Variants in AK9 observed in about 807,000 individuals in gnomAD.
AK9 encodes adenylate kinase domain containing 1.
A neutral mutation model predicts 239.6 loss-of-function variants in AK9; 191 were observed. That is an observed-to-expected ratio of 0.80 (90% CI 0.71 to 0.90). AK9 has a LOEUF of 0.90. Among genes scored for constraint, AK9 ranks in the 40% least tolerant of loss-of-function variants. The pLI is 0.00. For synonymous variants in AK9, 689 were observed against 721.0 expected, an observed-to-expected ratio of 0.96 and a Z score of 0.71; for missense variants, 1,995 against 2,214.7, an observed-to-expected ratio of 0.90 and a Z score of 1.99.
chr6:109,493,866 ACT>A lies in AK9; in HGVS notation c.5533+113_5533+114del, dbSNP rs1240535250. ...GCCCTGTATTGTATTTGCTACTAAC[ACT>A]CTCTCTTTCTCTCTCACCAAGCAGG... On this transcript the variant is annotated intron_variant, in intron 40 of 40. Transcript: ENST00000424296. 6 of 789,406 alleles carry A rather than the reference ACT, an allele frequency of 7.6e-6. No individual in the cohort carries two copies. In the Admixed American group the frequency reaches 1.2e-4, roughly 15 times the overall value. 48.9% of individuals were successfully genotyped at this position (789,406 alleles called of 1,614,324 possible).
chr6:109,604,174 G>A (rs1348272123), intron 17 of AK9, among the ~76,000 whole-genome samples: 6 of 152,160 alleles, frequency 3.9e-5, no homozygotes, highest in Admixed American at 1.3e-4. Context: ...CACGCTGGGA[G>A]CTGTAGACTG....
intron 7 of AK9, among the ~76,000 whole-genome samples, chr6:109,658,524 C>T (rs766650034): frequency 2.1e-4 from 32 of 152,124 alleles, no homozygotes; most frequent in Admixed American, 3.3e-4. Context: ...CTCCCCATTG[C>T]GCACTTGAAA....
At chr6:109,635,111 GA>G (rs1796551206) in intron 10 of AK9, among the ~76,000 whole-genome samples, 2 of 151,180 alleles carry the variant, frequency 1.3e-5, no homozygotes, top group South Asian at 4.2e-4. Flanking sequence ...GACAGTAGAA[GA>G]ATAAAAAAAA....
chr6:109,498,125 C>A (rs888326266), intron 36 of AK9, among the ~76,000 whole-genome samples, 160 bp from the exon 37 acceptor site: 3 of 152,232 alleles, frequency 2.0e-5, no homozygotes, highest in African/African-American at 7.2e-5. Flanking sequence ...AAGTTCCTTA[C>A]AGGAATACTC....
intron 10 of AK9, among the ~76,000 whole-genome samples, 191 bp downstream of exon 10, chr6:109,641,327 C>T (rs1200554975): frequency 1.4e-5 from 2 of 147,796 alleles, no homozygotes; most frequent in African/African-American, 4.9e-5. Flanking sequence ...ACCACCACAC[C>T]TGGCTAATTT....
intron 17 of AK9, among the ~76,000 whole-genome samples, chr6:109,600,318 C>T (rs141420066): frequency 0.03 from 4,460 of 150,996 alleles, 106 homozygotes; most frequent in East Asian, 0.11. Context: ...AGGCCTTTTC[C>T]GCATCTATTG....
intron 17 of AK9, among the ~76,000 whole-genome samples, chr6:109,603,138 G>T (rs1270320663): frequency 3.9e-5 from 6 of 152,222 alleles, no homozygotes; most frequent in African/African-American, 1.2e-4. Context: ...TTTGGAGGGG[G>T]AGAGGCACTC....
rs768695143 is a variant in AK9 at position 109,506,310 on chromosome 6, A to T, written c.4849+17T>A. 3.1e-6 allele frequency: 5 copies of T among 1,605,218 alleles called. No homozygotes were observed. In the African/African-American group the frequency reaches 6.7e-5, roughly 21 times the overall value. ...TGAAATTAATATTTTATTCTACCTT[A>T]AAAAGTGCTATCTTACCTGCTTTTA... is the stretch of plus-strand genomic sequence containing the variant. On this transcript the variant is annotated intron_variant, in intron 35 of 40. Coordinates refer to ENST00000424296, the MANE Select transcript of AK9 (RefSeq NM_001145128.3).
chr6:109,517,238 C>T (rs1212614652), intron 29 of AK9, among the ~76,000 whole-genome samples: 2 of 152,166 alleles, frequency 1.3e-5, no homozygotes, highest in East Asian at 3.9e-4. Context: ...ATCTCTACAC[C>T]CTATTTTGTC....
chr6:109,519,789 AT>A (rs916832750), intron 29 of AK9, among the ~76,000 whole-genome samples: 1 of 133,030 alleles, frequency 7.5e-6, no homozygotes, highest in African/African-American at 2.8e-5. Flanking sequence ...AAAAAAAAAA[AT>A]AGCCATTCTG....
chr6:109,514,428 C>T lies in AK9; in HGVS notation c.4075G>A (p.Gly1359Arg), dbSNP rs1406367758. The change falls in exon 32 of 41, where the codon GGA becomes AGA. Residue 1359 changes from glycine (G) to arginine (R), a missense_variant. Physicochemically the swap from Gly to Arg is moderately radical, Grantham distance 125. This residue lies in a region of AK9 where 1,290 missense variants were observed against 1,392.7 expected (regional missense o/e 0.93). Coordinates refer to ENST00000424296, the MANE Select transcript of AK9 (RefSeq NM_001145128.3). The part of the protein sequence containing the change: ...GYWDPVKLSE[G>R]ETIKPVENAE... ...TTTTCAACTGGCTTGATTGTCTCTC[C>T]TTCACTTAGCTGCAACATATACACA... The T allele has an allele frequency of 1.3e-6, 2 of 1,540,706 alleles. No individual in the cohort carries two copies. The highest frequency in any genetic ancestry group is 2.4e-5 in the South Asian group (2 of 82,900).
chr6:109,602,886 C>T (rs1416865055), intron 17 of AK9, among the ~76,000 whole-genome samples: 2 of 152,160 alleles, frequency 1.3e-5, no homozygotes, highest in African/African-American at 2.4e-5. Flanking sequence ...CTTGTGTATT[C>T]GTCACGTAGT....
intron 24 of AK9, among the ~76,000 whole-genome samples, chr6:109,559,967 T>A (rs1222227999): frequency 6.6e-6 from 1 of 152,190 alleles, no homozygotes; most frequent in Non-Finnish European, 1.5e-5. Flanking sequence ...CTTTTCTCTA[T>A]CTTCAAAGCC....
intron 12 of AK9, among the ~76,000 whole-genome samples, chr6:109,629,222 G>A (rs185696497): frequency 1.3e-5 from 2 of 152,110 alleles, no homozygotes; most frequent in Admixed American, 1.3e-4. Context: ...GGGGTTACAG[G>A]CATGAGCCAC....
At chr6:109,560,139 A>C (rs1785559091) in intron 24 of AK9, among the ~76,000 whole-genome samples, 1 of 152,232 alleles carries the variant, frequency 6.6e-6, no homozygotes, top group South Asian at 2.1e-4. Flanking sequence ...AACATTCACA[A>C]GTGTCAATTC....
intron 17 of AK9, among the ~76,000 whole-genome samples, chr6:109,592,774 T>C (rs1051050244): frequency 2.2e-5 from 3 of 135,754 alleles, no homozygotes; most frequent in African/African-American, 7.6e-5. Context: ...GATTAGATGC[T>C]TCTCTCTTTC....
chr6:109,585,038 A>G, intron 19 of AK9, 85 bp downstream of exon 19: 2 of 826,984 alleles, frequency 2.4e-6, no homozygotes, highest in Non-Finnish European at 3.0e-6. Context: ...AATATTAAAT[A>G]TATTCTATAA....
At chr6:109,627,343 A>T (rs142570016) in intron 12 of AK9, among the ~76,000 whole-genome samples, 70 of 152,234 alleles carry the variant, frequency 4.6e-4, no homozygotes, top group Middle Eastern at 3.4e-3. Context: ...CGTTTTCTAC[A>T]AGTAGAAGGA....
intron 10 of AK9, among the ~76,000 whole-genome samples, chr6:109,636,845 A>T (rs761464460): frequency 2.0e-5 from 3 of 150,912 alleles, no homozygotes; most frequent in Non-Finnish European, 2.9e-5. Context: ...GGCTATTGTG[A>T]ATAGAGGTGC....
Sources: allele counts gnomAD v4.1 joint callset (sites outside exome capture counted in the v4.1 genomes callset), GRCh38; gene constraint gnomAD v4.1.1; regional missense constraint gnomAD v4.1.1; transcripts MANE v1.5; gene names NCBI Gene and HGNC (gene_info 2026-07-23, HGNC 2026-07-21).